Variants in COMMD10 observed in about 807,000 individuals in gnomAD.
COMMD10 encodes the protein COMM domain containing 10.
In COMMD10, 33 loss-of-function variants were observed where a neutral mutation model predicts 28.9. The ratio of observed to expected loss-of-function variants is 1.14; its 90% CI spans 0.87 to 1.53. The LOEUF is 1.53. COMMD10 is among the 40% of genes most tolerant of loss of function. The probability of loss-of-function intolerance (pLI) is 0.00; values close to 1 mark genes in which losing one functional copy is unlikely to be tolerated. For synonymous variants in COMMD10, 110 were observed against 81.7 expected, an observed-to-expected ratio of 1.35 and a Z score of -1.87; for missense variants, 310 against 233.4, an observed-to-expected ratio of 1.33 and a Z score of -2.14.
chr5:116,255,100 A>C (rs1232598172), intron 5 of COMMD10, among the ~76,000 whole-genome samples: 1 of 151,616 alleles, frequency 6.6e-6, no homozygotes, highest in East Asian at 1.9e-4. Flanking sequence ...AGTCTGTTTT[A>C]TCCAAGACTA....
intron 5 of COMMD10, among the ~76,000 whole-genome samples, chr5:116,231,468 A>T (rs896398321): frequency 6.6e-6 from 1 of 152,138 alleles, no homozygotes; most frequent in African/African-American, 2.4e-5. Context: ...TAATGTATTT[A>T]TTCAGCGAGT....
intron 5 of COMMD10, among the ~76,000 whole-genome samples, chr5:116,185,950 A>G (rs1041404415): frequency 1.3e-5 from 2 of 152,222 alleles, no homozygotes; most frequent in African/African-American, 2.4e-5. Flanking sequence ...GATGAATGTT[A>G]CCTGACTTTA....
At chr5:116,168,067 G>A (rs541882196) in intron 5 of COMMD10, among the ~76,000 whole-genome samples, 2 of 150,032 alleles carry the variant, frequency 1.3e-5, no homozygotes, top group East Asian at 2.0e-4. Flanking sequence ...ACCCATTGGT[G>A]TGCTGTATTC....
At chr5:116,187,099 C>A (rs1748161823) in intron 5 of COMMD10, among the ~76,000 whole-genome samples, 1 of 151,990 alleles carries the variant, frequency 6.6e-6, no homozygotes, top group Non-Finnish European at 1.5e-5. Flanking sequence ...AATCAAGTTT[C>A]TAAAAATCAA....
At chr5:116,148,081 C>G (rs1315225631) in intron 5 of COMMD10, among the ~76,000 whole-genome samples, 1 of 151,712 alleles carries the variant, frequency 6.6e-6, no homozygotes, top group Non-Finnish European at 1.5e-5. Context: ...TTCAGCAGTA[C>G]ATTTGCCTTT....
intron 5 of COMMD10, among the ~76,000 whole-genome samples, chr5:116,184,467 T>C (rs1269068355): frequency 6.6e-6 from 1 of 152,076 alleles, no homozygotes; most frequent in Non-Finnish European, 1.5e-5. Flanking sequence ...TTTATAGACA[T>C]ATTTTTAGTA....
chr5:116,196,785 A>G (rs1416834296), intron 5 of COMMD10, among the ~76,000 whole-genome samples: 1 of 152,122 alleles, frequency 6.6e-6, no homozygotes, highest in African/African-American at 2.4e-5. Flanking sequence ...TAACTAATAT[A>G]GTATATTCTA....
chr5:116,242,489 C>T (rs1326419375), intron 5 of COMMD10, among the ~76,000 whole-genome samples: 2 of 152,184 alleles, frequency 1.3e-5, no homozygotes, highest in African/African-American at 2.4e-5. Context: ...TTATTATCAT[C>T]ATCTTACAGG....
chr5:116,237,550 T>C (rs1373490439), intron 5 of COMMD10, among the ~76,000 whole-genome samples: 2 of 151,894 alleles, frequency 1.3e-5, no homozygotes, highest in African/African-American at 2.4e-5. Flanking sequence ...TGGCACATGC[T>C]ATATAGTCCA....
At chr5:116,208,053 T>G (rs1482788138) in intron 5 of COMMD10, among the ~76,000 whole-genome samples, 7 of 152,186 alleles carry the variant, frequency 4.6e-5, no homozygotes, top group Admixed American at 1.3e-4. Flanking sequence ...GTGGTTGTAC[T>G]GCTTACTAGA....
chr5:116,142,033 T>G (rs1752211411), intron 5 of COMMD10, among the ~76,000 whole-genome samples: 1 of 151,966 alleles, frequency 6.6e-6, no homozygotes, highest in East Asian at 1.9e-4. Context: ...TGTAGAAAAC[T>G]TAGAAATTAT....
At chr5:116,162,537 A>G (rs1435305403) in intron 5 of COMMD10, among the ~76,000 whole-genome samples, 2 of 152,248 alleles carry the variant, frequency 1.3e-5, no homozygotes, top group African/African-American at 2.4e-5. Context: ...ATAGTAGCAC[A>G]TATAGATAAG....
chr5:116,162,389 C>T (rs558175122), intron 5 of COMMD10, among the ~76,000 whole-genome samples: 5 of 149,520 alleles, frequency 3.3e-5, no homozygotes, highest in South Asian at 4.3e-4. Flanking sequence ...TTGCTATAAA[C>T]AGATGAGTAC....
intron 5 of COMMD10, among the ~76,000 whole-genome samples, chr5:116,140,716 GTCT>G (rs570699382): frequency 6.4e-4 from 97 of 151,846 alleles, no homozygotes; most frequent in African/African-American, 1.9e-3. Context: ...CCATTTTTAT[GTCT>G]TCTTTGGAGA....
intron 5 of COMMD10, among the ~76,000 whole-genome samples, chr5:116,147,277 G>T (rs1561630121): frequency 6.6e-6 from 1 of 151,826 alleles, no homozygotes; most frequent in Non-Finnish European, 1.5e-5. Flanking sequence ...CGTAACTAGG[G>T]TCATTGATGA....
chr5:116,206,106 C>G (rs1001896731), intron 5 of COMMD10, among the ~76,000 whole-genome samples: 1 of 152,142 alleles, frequency 6.6e-6, no homozygotes, highest in Admixed American at 6.5e-5. Flanking sequence ...ATCAAACGTT[C>G]AGAACATCAG....
intron 5 of COMMD10, among the ~76,000 whole-genome samples, chr5:116,250,852 C>A (rs1007975176): frequency 7.9e-5 from 12 of 151,988 alleles, no homozygotes; most frequent in Non-Finnish European, 1.6e-4. Context: ...TTCACTTTTA[C>A]AACCCAGATT....
chr5:116,085,199 C>A (rs752670822), intron 1 of COMMD10, 106 bp downstream of exon 1: 1 of 222,660 alleles, frequency 4.5e-6, no homozygotes, highest in South Asian at 3.9e-5. Flanking sequence ...GCGGCGGGCC[C>A]GGTTGAGTGG....
chr5:116,236,589 C>T (rs921631643), intron 5 of COMMD10, among the ~76,000 whole-genome samples: 1 of 150,916 alleles, frequency 6.6e-6, no homozygotes. Context: ...TAACTCAAGC[C>T]AATGTGAAAA....
Sources: allele counts gnomAD v4.1 joint callset (sites outside exome capture counted in the v4.1 genomes callset), GRCh38; gene constraint gnomAD v4.1.1; transcripts MANE v1.5; gene names NCBI Gene and HGNC (gene_info 2026-07-23, HGNC 2026-07-21).